Variants in WDR59 observed in about 807,000 individuals in gnomAD.
WDR59 encodes WD repeat domain 59.
WDR59 carries 100 observed loss-of-function variants against 131.2 expected under a neutral mutation model. The observed-to-expected ratio is 0.76, with a 90% CI of 0.65 to 0.90. The LOEUF (loss-of-function observed/expected upper bound fraction) is 0.90. Ranked by LOEUF, WDR59 falls within the 40% of genes least tolerant of loss-of-function variation. The probability of loss-of-function intolerance (pLI) is 0.00; values close to 1 mark genes in which losing one functional copy is unlikely to be tolerated. For missense variants in WDR59, 1,203 were observed against 1,262.2 expected (o/e 0.95, Z 0.71); for synonymous variants, 601 against 466.2 (o/e 1.29, Z -3.72).
At chr16:74,948,402 A>G (rs1432396327) in intron 6 of WDR59, 117 bp downstream of exon 6, 2 of 994,862 alleles carry the variant, frequency 2.0e-6, no homozygotes, top group Non-Finnish European at 3.2e-6. Context: ...CGCAGCCCAG[A>G]CAGAGGCAGT....
At chr16:74,936,740 C>T (rs542591580) in intron 8 of WDR59, among the ~76,000 whole-genome samples, 3 of 151,998 alleles carry the variant, frequency 2.0e-5, no homozygotes, top group Non-Finnish European at 4.4e-5. Context: ...GCAGGAGAAT[C>T]GCTTGAACCC....
intron 25 of WDR59, among the ~76,000 whole-genome samples, chr16:74,876,314 G>A (rs909526950): frequency 6.6e-6 from 1 of 152,076 alleles, no homozygotes; most frequent in Non-Finnish European, 1.5e-5. Context: ...TTTATATTAT[G>A]TACAAACTTT....
At chr16:74,915,732 C>G (rs1304080367) in intron 13 of WDR59, 138 bp downstream of exon 13, 1 of 1,357,622 alleles carries the variant, frequency 7.4e-7, no homozygotes, top group African/African-American at 1.4e-5. Flanking sequence ...CCAGAAAACC[C>G]AGGAAATAAA....
At chr16:74,917,651 A>T (rs1345896213) in intron 11 of WDR59, among the ~76,000 whole-genome samples, 2 of 152,002 alleles carry the variant, frequency 1.3e-5, no homozygotes, top group African/African-American at 4.8e-5. Context: ...TCTACTAAAA[A>T]TACAAAAATT....
At chr16:74,891,795 G>A (rs375713533) in intron 20 of WDR59, among the ~76,000 whole-genome samples, 6 of 152,234 alleles carry the variant, frequency 3.9e-5, no homozygotes, top group South Asian at 4.1e-4. Flanking sequence ...TTGGTGGCAC[G>A]CATCTATAAT....
At chr16:74,937,730 G>C (rs1363524114) in intron 8 of WDR59, among the ~76,000 whole-genome samples, 1 of 152,116 alleles carries the variant, frequency 6.6e-6, no homozygotes, top group Non-Finnish European at 1.5e-5. Flanking sequence ...TTGAACTCCT[G>C]ACCTTAAGTG....
intron 13 of WDR59, 68 bp downstream of exon 13, chr16:74,915,802 C>T: frequency 1.2e-6 from 2 of 1,601,284 alleles, no homozygotes; most frequent in Non-Finnish European, 1.7e-6. Flanking sequence ...GAAATCATTG[C>T]TGAAATGGTT....
chr16:74,913,432 G>C (rs916265650), intron 13 of WDR59, among the ~76,000 whole-genome samples: 12 of 151,400 alleles, frequency 7.9e-5, no homozygotes, highest in African/African-American at 9.8e-5. Flanking sequence ...GCAAATCTTT[G>C]TTTTGTTGTT....
At chr16:74,946,659 G>C (rs1221791708) in intron 6 of WDR59, among the ~76,000 whole-genome samples, 1 of 152,026 alleles carries the variant, frequency 6.6e-6, no homozygotes, top group African/African-American at 2.4e-5. Context: ...GGAGGTGGAG[G>C]TTGCAGTGAG....
intron 6 of WDR59, among the ~76,000 whole-genome samples, chr16:74,944,173 A>G (rs1461358804): frequency 6.6e-6 from 1 of 152,122 alleles, no homozygotes; most frequent in African/African-American, 2.4e-5. Context: ...TATCAAGATC[A>G]TTATACCAGA....
At chr16:74,889,864 C>A in intron 20 of WDR59, 49 bp from the exon 21 acceptor site, 1 of 1,459,436 alleles carries the variant, frequency 6.9e-7, no homozygotes, top group South Asian at 1.2e-5. Flanking sequence ...AGGACAAGAA[C>A]CGAAACCATG....
At chr16:74,882,593 T>A (rs1352489720) in intron 25 of WDR59, among the ~76,000 whole-genome samples, 1 of 152,020 alleles carries the variant, frequency 6.6e-6, no homozygotes, top group Non-Finnish European at 1.5e-5. Flanking sequence ...GGTATTTGTA[T>A]TGTATTTTAG....
chr16:74,984,215 T>C (rs1421824807), intron 1 of WDR59, among the ~76,000 whole-genome samples: 1 of 151,962 alleles, frequency 6.6e-6, no homozygotes, highest in African/African-American at 2.4e-5. Context: ...AGGCGGAGGT[T>C]GCAGTGAGCC....
chr16:74,908,122 A>G (rs1965908685), intron 17 of WDR59, among the ~76,000 whole-genome samples: 1 of 152,208 alleles, frequency 6.6e-6, no homozygotes, highest in Non-Finnish European at 1.5e-5. Flanking sequence ...TTGCGTTGTA[A>G]TTTAAAACTT....
intron 18 of WDR59, chr16:74,899,737 G>A: frequency 7.8e-7 from 1 of 1,289,150 alleles, no homozygotes; most frequent in South Asian, 1.2e-5. Context: ...AACGCCGCCG[G>A]GCAGAGCGAG....
At chr16:74,921,458 C>A (rs1443961818) in intron 10 of WDR59, among the ~76,000 whole-genome samples, 1 of 152,176 alleles carries the variant, frequency 6.6e-6, no homozygotes, top group East Asian at 1.9e-4. Flanking sequence ...CCGGTCAACC[C>A]CTCCCCACTG....
intron 25 of WDR59, among the ~76,000 whole-genome samples, chr16:74,877,522 TGTTTA>T (rs2144752046): frequency 6.6e-6 from 1 of 152,328 alleles, no homozygotes. Context: ...TTTACTGCTC[TGTTTA>T]TTTATTGATT....
intron 1 of WDR59, among the ~76,000 whole-genome samples, chr16:74,983,557 C>T (rs2034508120): frequency 6.6e-6 from 1 of 151,992 alleles, no homozygotes. Flanking sequence ...TGTATATGAC[C>T]GGTTCAGAGC....
chr16:74,925,352 T>C (rs1228346469), intron 8 of WDR59, among the ~76,000 whole-genome samples: 2 of 152,058 alleles, frequency 1.3e-5, no homozygotes, highest in South Asian at 2.1e-4. Context: ...AAGACCAGCC[T>C]GGCCAACATG....
Sources: gnomAD v4.1 joint callset for allele counts (sites outside exome capture counted in the v4.1 genomes callset) on GRCh38, gnomAD v4.1.1 for gene constraint, MANE v1.5 for transcripts, NCBI Gene and HGNC (gene_info 2026-07-23, HGNC 2026-07-21) for gene names.